Variants in GPX7 observed in about 807,000 individuals in gnomAD.
GPX7 encodes glutathione peroxidase 7.
Under a neutral mutation model 23.7 loss-of-function variants are expected in GPX7, and 21 were observed. The observed-to-expected ratio is 0.89, with a 90% confidence interval of 0.63 to 1.28. GPX7 has a LOEUF of 1.28. GPX7 is among the 50% of genes most tolerant of loss of function. The probability of loss-of-function intolerance (pLI) is 0.00; values close to 1 mark genes in which losing one functional copy is unlikely to be tolerated. For synonymous variants in GPX7, 112 were observed against 101.8 expected, an observed-to-expected ratio of 1.10 and a Z score of -0.61; for missense variants, 238 against 237.3, an observed-to-expected ratio of 1.00 and a Z score of -0.02.
chr1:52,606,869 C>T lies in GPX7; in HGVS notation c.324C>T (p.Tyr108=). The T allele has an allele frequency of 6.2e-7, 1 of 1,614,226 alleles. No homozygotes were observed. Reference sequence around the variant, plus strand: ...TTGAGAGCTTTGCCCGCCGCACCTACAGTGTCTCATTCCCCATGTTTAGCA... The same window carrying T: ...TTGAGAGCTTTGCCCGCCGCACCTATAGTGTCTCATTCCCCATGTTTAGCA... ...KEIESFARRT[Y]SVSFPMFSKI... The change falls in exon 2 of 3, where the codon TAC becomes TAT. Residue 108 remains tyrosine, a synonymous_variant. Coordinates refer to ENST00000361314, the MANE Select transcript of GPX7 (RefSeq NM_015696.5).
Position 52,606,842 on chromosome 1 carries a change from G to A in GPX7, c.297G>A (p.Glu99=). The part of the protein sequence containing the change: ...FGQQEPDSNK[E]IESFARRTYS... ...AACAGGAGCCTGACAGCAACAAGGA[G>A]ATTGAGAGCTTTGCCCGCCGCACCT... The change falls in exon 2 of 3, where the codon GAG becomes GAA. Residue 99 remains glutamate (E), a synonymous_variant. Coordinates refer to ENST00000361314, the MANE Select transcript of GPX7 (RefSeq NM_015696.5). The A allele has an allele frequency of 2.5e-6, 4 of 1,614,224 alleles. No homozygotes were observed. The highest frequency in any genetic ancestry group is 3.4e-6 in the Non-Finnish European group (4 of 1,180,036).
intron 1 of GPX7, among the ~76,000 whole-genome samples, chr1:52,603,838 G>A (rs933682566): frequency 6.6e-6 from 1 of 152,120 alleles, no homozygotes; most frequent in African/African-American, 2.4e-5. Context: ...TGTGTTTGGT[G>A]GATCCCAGCA....
chr1:52,602,566 G>C lies in GPX7; in HGVS notation c.138+19G>C. On this transcript the variant is annotated intron_variant, in intron 1 of 2. Transcript: ENST00000361314. ...CGGATCGGTGAGTGCGCGGGGTCTG[G>C]CGGCGCCGCTGGGCCCGGCCTCGCC... is the stretch of plus-strand genomic sequence containing the variant. 6.6e-7 allele frequency: 1 copy of C among 1,526,224 alleles called. No homozygotes were observed. Among genetic ancestry groups the C allele is most frequent in the Non-Finnish European group, 8.8e-7 (1 of 1,137,310 alleles). The allele number at this position is 1,526,224 out of a possible 1,614,324, so 94.5% of individuals were successfully genotyped here. A position where few individuals can be genotyped will look rare whatever the true frequency, so the allele number is the denominator to read the frequency against.
chr1:52,604,899 G>C (rs1571659856), intron 1 of GPX7, among the ~76,000 whole-genome samples: 1 of 152,048 alleles, frequency 6.6e-6, no homozygotes, highest in African/African-American at 2.4e-5. Context: ...ACAAAAATTA[G>C]CTGGGCATGG....
chr1:52,603,232 GC>G (rs1362369926), intron 1 of GPX7, among the ~76,000 whole-genome samples: 1 of 152,056 alleles, frequency 6.6e-6, no homozygotes, highest in Non-Finnish European at 1.5e-5. Flanking sequence ...CAGGCTAATT[GC>G]CCCCTCATTA....
chr1:52,605,108 A>C (rs891267856), intron 1 of GPX7, among the ~76,000 whole-genome samples: 1 of 151,260 alleles, frequency 6.6e-6, no homozygotes, highest in African/African-American at 2.4e-5. Context: ...CAGCAGGGGG[A>C]AAAAAAGGAA....
Position 52,606,609 on chromosome 1 carries a change from T to C in GPX7, c.139-75T>C. On this transcript the variant is annotated intron_variant, in intron 1 of 2. Coordinates refer to ENST00000361314, the MANE Select transcript of GPX7 (RefSeq NM_015696.5). ...GTTGAGGGAGTCACATATGTGGATG[T>C]GTCAGGGCATGTACAGGTTCATGCC... 2.6e-6 allele frequency: 4 copies of C among 1,512,248 alleles called. No homozygotes were observed. In the East Asian group the frequency reaches 6.8e-5, roughly 26 times the overall value. The allele number at this position is 1,512,248 out of a possible 1,614,324, so 93.7% of individuals were successfully genotyped here.
rs778667298 is a variant in GPX7, at chr1:52,608,300, T to C, written c.439T>C (p.Tyr147His). Residue 147 changes from tyrosine (Y) to histidine (H), a missense_variant, in exon 3 of 3, where the codon TAC becomes CAC. Tyr to His is a moderately conservative substitution (Grantham distance 83). Transcript: ENST00000361314. ...GGAGCCCACCTGGAACTTCTGGAAG[T>C]ACCTAGTAGCCCCAGATGGAAAGGT... is the stretch of plus-strand genomic sequence containing the variant. ...GKEPTWNFWK[Y>H]LVAPDGKVVG... The C allele has an allele frequency of 1.1e-5, 17 of 1,613,370 alleles. No homozygotes were observed. The South Asian group carries it at 1.6e-4, about 16-fold the overall frequency.
chr1:52,608,442 T>A lies in GPX7; in HGVS notation c.*17T>A. The A allele has an allele frequency of 6.3e-7, 1 of 1,586,360 alleles. No homozygotes were observed. The highest frequency in any genetic ancestry group is 1.7e-4 in the Middle Eastern group (1 of 5,882). Reference sequence around the variant, plus strand: ...GACTTATAACCACCGCGTCTCCTCCTCCACCACCTCATCCCGCCCACCTGT... The same window carrying A: ...GACTTATAACCACCGCGTCTCCTCCACCACCACCTCATCCCGCCCACCTGT... On this transcript the variant is annotated 3_prime_UTR_variant, in exon 3 of 3. Transcript: ENST00000361314.
At position 52,606,230 on chromosome 1, in the gene GPX7, G is replaced by A. The variant is rs150252860; in HGVS notation, c.139-454G>A. On this transcript the variant is annotated intron_variant, in intron 1 of 2. Transcript: ENST00000361314. ...ACTGACACAGTGCAGAGTGGCGAGT[G>A]CTAGCTGACTGAGCCAAAAATTGAG... Among the ~76,000 whole-genome samples the A allele has an allele frequency of 2.2e-3, 340 of 152,270 alleles. 3 individuals are homozygous for A. The highest frequency in any genetic ancestry group is 3.1e-3 in the South Asian group (15 of 4,828).
rs893375362 is a variant in GPX7, at chr1:52,608,948, A to G, written c.*523A>G. 1 of 152,682 alleles carries G rather than the reference A, an allele frequency of 6.5e-6. No homozygotes were observed. The highest frequency in any genetic ancestry group is 1.5e-5 in the Non-Finnish European group (1 of 68,078). The allele number at this position is 152,682 out of a possible 1,614,324, so 9.5% of individuals were successfully genotyped here. ...CCAGGCCAAAGGTTTAGTTGTTGTT[A>G]TTTCCTCTGTATTATTTTCTTCATT... On this transcript the variant is annotated 3_prime_UTR_variant, in exon 3 of 3. Transcript: ENST00000361314.
At chr1:52,602,857 G>A (rs35883827) in intron 1 of GPX7, among the ~76,000 whole-genome samples, 1,791 of 152,282 alleles carry the variant, frequency 0.012, 41 homozygotes, top group African/African-American at 0.04. Context: ...TTCGCCGGGA[G>A]GCCGGGCACC....
intron 1 of GPX7, 141 bp from the exon 2 acceptor site, chr1:52,606,543 T>C: frequency 4.6e-6 from 4 of 861,332 alleles, no homozygotes; most frequent in Middle Eastern, 5.8e-4. Context: ...CATTTACATA[T>C]GTGTACACAG....
At chr1:52,604,091 G>C (rs1690829648) in intron 1 of GPX7, among the ~76,000 whole-genome samples, 2 of 152,186 alleles carry the variant, frequency 1.3e-5, no homozygotes, top group African/African-American at 2.4e-5. Context: ...AGCTTACATG[G>C]GGTAAGGAGA....
chr1:52,606,686 G>A lies in GPX7; in HGVS notation c.141G>A (p.Val47=), dbSNP rs1403474884. ...TTTGTTTTGTTTCTGTCATACAGGT[G>A]TCCCTGGTGGTGAATGTGGCCAGCG... ...LVSLEKYRGS[V]SLVVNVASEC... Residue 47 remains valine, a splice_region_variant and synonymous_variant, in exon 2 of 3, where the codon GTG becomes GTA. Transcript: ENST00000361314. 2.5e-6 allele frequency: 4 copies of A among 1,612,876 alleles called. No individual in the cohort carries two copies. In the South Asian group the frequency reaches 4.4e-5, roughly 18 times the overall value.
intron 1 of GPX7, among the ~76,000 whole-genome samples, chr1:52,602,893 G>A (rs34134045): frequency 0.027 from 4,038 of 152,300 alleles, 204 homozygotes; most frequent in African/African-American, 0.093. Flanking sequence ...CCATTCACGG[G>A]TGAAAAAAGT....
chr1:52,606,614 G>A, intron 1 of GPX7, 70 bp from the exon 2 acceptor site: 2 of 1,533,476 alleles, frequency 1.3e-6, no homozygotes, highest in Non-Finnish European at 1.8e-6. Context: ...GGATGTGTCA[G>A]GGCATGTACA....
At chr1:52,607,767 TCA>T (rs1690870338) in intron 2 of GPX7, among the ~76,000 whole-genome samples, 1 of 152,088 alleles carries the variant, frequency 6.6e-6, no homozygotes, top group Non-Finnish European at 1.5e-5. Context: ...TTCCCAGTTC[TCA>T]CAGTTATAGA....
chr1:52,606,489 G>C (rs1484278501), intron 1 of GPX7, among the ~76,000 whole-genome samples, 195 bp from the exon 2 acceptor site: 1 of 152,186 alleles, frequency 6.6e-6, no homozygotes, highest in Non-Finnish European at 1.5e-5. Flanking sequence ...ATATGTGCCT[G>C]TCTGTGTGCA....
Sources: allele counts gnomAD v4.1 joint callset (sites outside exome capture counted in the v4.1 genomes callset), GRCh38; gene constraint gnomAD v4.1.1; transcripts MANE v1.5; gene names NCBI Gene and HGNC (gene_info 2026-07-23, HGNC 2026-07-21).